The following NAALADL2 variants were observed in gnomAD, a reference collection of about 807,000 sequenced individuals.
NAALADL2 encodes the protein N-acetylated alpha-linked acidic dipeptidase like 2.
In NAALADL2, 76 loss-of-function variants were observed where a neutral mutation model predicts 87.2. That is an observed-to-expected ratio of 0.87 (90% CI 0.72 to 1.05). NAALADL2 has a LOEUF of 1.05. NAALADL2 is among the 50% of genes least tolerant of loss of function. The probability of loss-of-function intolerance (pLI) is 0.00; values close to 1 mark genes in which losing one functional copy is unlikely to be tolerated. For missense variants in NAALADL2, 1,089 were observed against 945.8 expected (o/e 1.15, Z -1.99); for synonymous variants, 354 against 331.0 (o/e 1.07, Z -0.75).
intron 1 of NAALADL2, chr3:175,060,137 C>T (rs141152742): frequency 6.8e-5 from 13 of 190,370 alleles, no homozygotes; most frequent in South Asian, 2.1e-4. Context: ...TGTTAAAACC[C>T]GAAGACACAC....
At chr3:175,278,042 C>T (rs1753820415) in intron 4 of NAALADL2, among the ~76,000 whole-genome samples, 1 of 152,136 alleles carries the variant, frequency 6.6e-6, no homozygotes, top group South Asian at 2.1e-4. Flanking sequence ...AGGAGAATGG[C>T]GTGAACCTGG....
intron 2 of NAALADL2, among the ~76,000 whole-genome samples, chr3:175,226,639 T>G (rs1446321051): frequency 6.6e-6 from 1 of 152,250 alleles, no homozygotes; most frequent in East Asian, 1.9e-4. Flanking sequence ...ATCAAGAGTT[T>G]TTTGTGATGA....
chr3:175,644,018 G>A (rs1274335457), intron 11 of NAALADL2, among the ~76,000 whole-genome samples: 1 of 152,048 alleles, frequency 6.6e-6, no homozygotes, highest in African/African-American at 2.4e-5. Context: ...GCCTTGGTGT[G>A]GTTTAAGTTA....
chr3:175,552,196 G>T (rs1714519235), intron 9 of NAALADL2, among the ~76,000 whole-genome samples: 1 of 151,920 alleles, frequency 6.6e-6, no homozygotes, highest in African/African-American at 2.4e-5. Flanking sequence ...TGATAATAAA[G>T]AAAATATTTG....
At chr3:175,412,247 T>C (rs982821223) in intron 5 of NAALADL2, among the ~76,000 whole-genome samples, 1 of 152,200 alleles carries the variant, frequency 6.6e-6, no homozygotes, top group African/African-American at 2.4e-5. Flanking sequence ...ACACAAAAGA[T>C]AGATTATGTA....
intron 11 of NAALADL2, among the ~76,000 whole-genome samples, chr3:175,651,070 G>A (rs1279622752): frequency 2.0e-5 from 3 of 152,132 alleles, no homozygotes; most frequent in African/African-American, 7.2e-5. Flanking sequence ...CATTGTTTGT[G>A]TAGCTTATGA....
intron 11 of NAALADL2, among the ~76,000 whole-genome samples, chr3:175,698,498 T>C (rs941289369): frequency 6.9e-6 from 1 of 144,450 alleles, no homozygotes; most frequent in Non-Finnish European, 1.5e-5. Flanking sequence ...TATATATATA[T>C]ATATAAAATC....
chr3:175,068,331 G>C (rs1714936293), intron 1 of NAALADL2, among the ~76,000 whole-genome samples: 1 of 152,062 alleles, frequency 6.6e-6, no homozygotes, highest in South Asian at 2.1e-4. Context: ...AAAAGTTATA[G>C]ATGGACATCA....
At chr3:174,477,126 T>A (rs1717265384) in intron 1 of NAALADL2, among the ~76,000 whole-genome samples, 1 of 151,824 alleles carries the variant, frequency 6.6e-6, no homozygotes, top group South Asian at 2.1e-4. Flanking sequence ...AGGAAAAAAA[T>A]AAACAGAAAA....
rs1296447178 is a variant in NAALADL2, at chr3:174,906,047, A to T, written c.43+46597A>T. Among the ~76,000 whole-genome samples, 7 of 152,162 alleles carry T rather than the reference A, an allele frequency of 4.6e-5. No homozygotes were observed. In the South Asian group the frequency reaches 1.5e-3, roughly 32 times the overall value. ...ATACCTAGAAATCAGCATTAACCTCATTCACAGTTTAATACTACAATATAA... is the reference window on the plus strand; with the variant it reads ...ATACCTAGAAATCAGCATTAACCTCTTTCACAGTTTAATACTACAATATAA... On this transcript the variant is annotated intron_variant, in intron 1 of 13. Coordinates refer to ENST00000454872, the MANE Select transcript of NAALADL2 (RefSeq NM_207015.3).
intron 11 of NAALADL2, among the ~76,000 whole-genome samples, chr3:175,628,125 C>A (rs1014180062): frequency 6.6e-6 from 1 of 151,690 alleles, no homozygotes; most frequent in Non-Finnish European, 1.5e-5. Context: ...AAAAACACTA[C>A]GCATTTAGTA....
At chr3:175,094,409 T>C (rs184576910) in intron 1 of NAALADL2, among the ~76,000 whole-genome samples, 145 of 152,164 alleles carry the variant, frequency 9.5e-4, no homozygotes, top group African/African-American at 3.4e-3. Flanking sequence ...TTCTTCAGAC[T>C]TTTTTCTATC....
chr3:175,246,657 T>C (rs747290075), intron 3 of NAALADL2, among the ~76,000 whole-genome samples: 1 of 152,194 alleles, frequency 6.6e-6, no homozygotes, highest in Non-Finnish European at 1.5e-5. Flanking sequence ...TTATTTATTG[T>C]GTTTAGCTGA....
At chr3:174,687,702 G>C (rs904427106) in intron 2 of NAALADL2, among the ~76,000 whole-genome samples, 6 of 152,006 alleles carry the variant, frequency 3.9e-5, no homozygotes, top group Non-Finnish European at 4.4e-5. Flanking sequence ...AATATAATTT[G>C]ATATGGTTTG....
At chr3:174,878,987 A>G (rs1042861806) in intron 1 of NAALADL2, among the ~76,000 whole-genome samples, 1 of 152,054 alleles carries the variant, frequency 6.6e-6, no homozygotes, top group African/African-American at 2.4e-5. Context: ...CTCAGTACGC[A>G]TATTTAGCTA....
At chr3:175,056,004 C>G (rs773332522) in intron 1 of NAALADL2, among the ~76,000 whole-genome samples, 28 of 152,252 alleles carry the variant, frequency 1.8e-4, no homozygotes, top group Non-Finnish European at 3.8e-4. Context: ...AGGGGACTGC[C>G]AAGCCTCTAT....
intron 2 of NAALADL2, among the ~76,000 whole-genome samples, chr3:175,190,883 C>T (rs1580854165): frequency 1.3e-5 from 2 of 148,578 alleles, no homozygotes; most frequent in South Asian, 2.1e-4. Flanking sequence ...GAGGCTGAGG[C>T]AGGAGAATGG....
At chr3:174,673,275 A>T (rs1381361261) in intron 2 of NAALADL2, among the ~76,000 whole-genome samples, 1 of 152,052 alleles carries the variant, frequency 6.6e-6, no homozygotes, top group African/African-American at 2.4e-5. Context: ...CAAGGAATTC[A>T]TGATGTAACT....
intron 2 of NAALADL2, among the ~76,000 whole-genome samples, chr3:175,100,838 C>CAAAAAA (rs562200946): frequency 1.4e-5 from 1 of 69,300 alleles, no homozygotes; most frequent in African/African-American, 4.6e-5. Flanking sequence ...GACTCTGTCT[C>CAAAAAA]AAAAAAAAAA....
Sources: allele counts gnomAD v4.1 joint callset (sites outside exome capture counted in the v4.1 genomes callset), GRCh38; gene constraint gnomAD v4.1.1; transcripts MANE v1.5; gene names NCBI Gene and HGNC (gene_info 2026-07-23, HGNC 2026-07-21).